LRRTM4: variants seen among roughly 807,000 people sequenced by gnomAD.
LRRTM4 encodes leucine rich repeat transmembrane neuronal 4, also known as leucine-rich repeat transmembrane neuronal protein 4.
A neutral mutation model predicts 47.6 loss-of-function variants in LRRTM4; 25 were observed. The ratio of observed to expected loss-of-function variants is 0.53; its 90% CI spans 0.38 to 0.73. The LOEUF is 0.73. Among genes scored for constraint, LRRTM4 ranks in the 30% least tolerant of loss-of-function variants. The pLI is 0.00. For synonymous variants in LRRTM4, 311 were observed against 269.5 expected, an observed-to-expected ratio of 1.15 and a Z score of -1.51; for missense variants, 638 against 713.4, an observed-to-expected ratio of 0.89 and a Z score of 1.20.
intron 3 of LRRTM4, among the ~76,000 whole-genome samples, chr2:76,927,778 T>C (rs1573324954): frequency 6.6e-6 from 1 of 152,138 alleles, no homozygotes; most frequent in East Asian, 1.9e-4. Flanking sequence ...TTAAAAGTAC[T>C]GATCTCTCTG....
chr2:77,518,280 C>T (rs750842196), intron 3 of LRRTM4, 38 bp downstream of exon 3: 7 of 1,523,754 alleles, frequency 4.6e-6, no homozygotes, highest in East Asian at 4.6e-5. Flanking sequence ...TCTCCTTCCC[C>T]GCAGTAGAAA....
chr2:76,807,354 C>T (rs1670516313), intron 3 of LRRTM4, among the ~76,000 whole-genome samples: 1 of 145,684 alleles, frequency 6.9e-6, no homozygotes, highest in Non-Finnish European at 1.5e-5. Flanking sequence ...TAAATATGTT[C>T]CCAGAATATG....
At chr2:77,166,749 C>T (rs1416917410) in intron 3 of LRRTM4, among the ~76,000 whole-genome samples, 1 of 152,046 alleles carries the variant, frequency 6.6e-6, no homozygotes, top group Non-Finnish European at 1.5e-5. Context: ...AACTGGCTAG[C>T]CATATGTAGA....
intron 3 of LRRTM4, among the ~76,000 whole-genome samples, chr2:76,834,027 TTTATTTA>T (rs199627911): frequency 0.022 from 3,066 of 141,798 alleles, 67 homozygotes; most frequent in East Asian, 0.12. Flanking sequence ...TTATTATTTA[TTTATTTA>T]TTTATTTATT....
At chr2:77,281,778 C>T (rs1676512916) in intron 3 of LRRTM4, among the ~76,000 whole-genome samples, 1 of 151,672 alleles carries the variant, frequency 6.6e-6, no homozygotes, top group South Asian at 2.1e-4. Context: ...TTAAGGAAAA[C>T]ATGCAAATAA....
intron 3 of LRRTM4, among the ~76,000 whole-genome samples, chr2:76,750,757 G>T (rs1360535429): frequency 6.6e-6 from 1 of 152,020 alleles, no homozygotes; most frequent in South Asian, 2.1e-4. Context: ...TTTCTTGCTG[G>T]TATTTTTATT....
chr2:77,318,286 G>A (rs1667474538), intron 3 of LRRTM4, among the ~76,000 whole-genome samples: 1 of 152,016 alleles, frequency 6.6e-6, no homozygotes, highest in African/African-American at 2.4e-5. Context: ...GATTACAGGC[G>A]TGAGCCACCG....
At chr2:77,234,946 A>G (rs192011823) in intron 3 of LRRTM4, among the ~76,000 whole-genome samples, 4 of 152,044 alleles carry the variant, frequency 2.6e-5, no homozygotes, top group South Asian at 2.1e-4. Context: ...CTTGTATCCA[A>G]TGTTTTGCTC....
chr2:76,776,206 C>T lies in LRRTM4; in HGVS notation c.1552-27290G>A, dbSNP rs12968289. 4.3e-3 allele frequency among the ~76,000 whole-genome samples: 653 copies of T among 152,136 alleles called. 6 individuals are homozygous for T. Among genetic ancestry groups the T allele is most frequent in the Non-Finnish European group, 3.5e-3 (240 of 68,010 alleles). ...AAGTCTTTGCTGTTGTGAATAATGC[C>T]GCAATAAACATACATGTGCATGTGT... On this transcript the variant is annotated intron_variant, in intron 3 of 3. Transcript: ENST00000409884.
At chr2:77,049,810 C>T (rs1050292500) in intron 3 of LRRTM4, among the ~76,000 whole-genome samples, 3 of 151,990 alleles carry the variant, frequency 2.0e-5, no homozygotes, top group Non-Finnish European at 4.4e-5. Flanking sequence ...TCCCACTCGT[C>T]TATTTTTATT....
intron 3 of LRRTM4, among the ~76,000 whole-genome samples, chr2:77,220,627 A>T (rs940520064): frequency 6.6e-6 from 1 of 152,234 alleles, no homozygotes; most frequent in Non-Finnish European, 1.5e-5. Flanking sequence ...GAAATGAATG[A>T]AATGAAGTGA....
intron 3 of LRRTM4, among the ~76,000 whole-genome samples, chr2:77,019,999 T>G (rs1305776266): frequency 6.6e-6 from 1 of 151,998 alleles, no homozygotes; most frequent in African/African-American, 2.4e-5. Flanking sequence ...GATAGCAAAA[T>G]AGTTGGAAAA....
At chr2:77,049,267 G>C (rs1679347072) in intron 3 of LRRTM4, among the ~76,000 whole-genome samples, 1 of 150,234 alleles carries the variant, frequency 6.7e-6, no homozygotes, top group East Asian at 2.0e-4. Context: ...ACGTGGGAAT[G>C]CATATATCTA....
chr2:77,341,485 A>C (rs900537284), intron 3 of LRRTM4, among the ~76,000 whole-genome samples: 5 of 152,134 alleles, frequency 3.3e-5, no homozygotes, highest in Non-Finnish European at 5.9e-5. Flanking sequence ...GCTGCTATTG[A>C]AGAGTCCATA....
chr2:76,924,709 A>C (rs1333824003), intron 3 of LRRTM4, among the ~76,000 whole-genome samples: 1 of 151,970 alleles, frequency 6.6e-6, no homozygotes, highest in Non-Finnish European at 1.5e-5. Context: ...CACTAGCTGA[A>C]TGCAGAAAAT....
intron 3 of LRRTM4, among the ~76,000 whole-genome samples, chr2:77,475,890 A>G (rs917413779): frequency 6.6e-6 from 1 of 151,848 alleles, no homozygotes; most frequent in Non-Finnish European, 1.5e-5. Context: ...TTTACATTCT[A>G]TGCCTATTTT....
chr2:77,402,040 T>G (rs1385908183), intron 3 of LRRTM4, among the ~76,000 whole-genome samples: 1 of 152,044 alleles, frequency 6.6e-6, no homozygotes, highest in Non-Finnish European at 1.5e-5. Flanking sequence ...TACATAGGTG[T>G]GCATAAAATG....
chr2:77,028,507 T>C (rs1678531425), intron 3 of LRRTM4, among the ~76,000 whole-genome samples: 1 of 151,986 alleles, frequency 6.6e-6, no homozygotes, highest in African/African-American at 2.4e-5. Context: ...GAAAACTGGA[T>C]TATGTGGGAT....
intron 3 of LRRTM4, among the ~76,000 whole-genome samples, chr2:77,411,259 A>G (rs984845151): frequency 2.0e-5 from 3 of 152,052 alleles, no homozygotes; most frequent in Non-Finnish European, 4.4e-5. Context: ...AAGCTCTGCT[A>G]AACTTTACAA....
Sources: allele counts gnomAD v4.1 joint callset (sites outside exome capture counted in the v4.1 genomes callset), GRCh38; gene constraint gnomAD v4.1.1; transcripts MANE v1.5; gene names NCBI Gene and HGNC (gene_info 2026-07-23, HGNC 2026-07-21).